Variants in SLC25A46 observed in about 807,000 individuals in gnomAD.
The protein encoded by SLC25A46 is solute carrier family 25 member 46, also known as mitochondrial outer membrane protein SLC25A46.
A neutral mutation model predicts 44.6 loss-of-function variants in SLC25A46; 39 were observed. The observed-to-expected ratio is 0.87, with a 90% CI of 0.68 to 1.14. The LOEUF is 1.14. Ranked by LOEUF, SLC25A46 falls within the 50% of genes most tolerant of loss-of-function variation. SLC25A46 has a pLI of 0.00. For synonymous variants in SLC25A46, 202 were observed against 185.8 expected, an observed-to-expected ratio of 1.09 and a Z score of -0.71; for missense variants, 547 against 522.7, an observed-to-expected ratio of 1.05 and a Z score of -0.45.
In SLC25A46 at chr5:110,755,366, A is replaced by G; in HGVS notation, c.564-99A>G. On this transcript the variant is annotated intron_variant, in intron 5 of 7. Coordinates refer to ENST00000355943, the MANE Select transcript of SLC25A46 (RefSeq NM_138773.4). ...GAATATATTTCTCCTACAGATTGAA[A>G]AAAATTAGAAGTTGATTACTGTTTT... 5 of 719,946 alleles carry G rather than the reference A, an allele frequency of 6.9e-6. No homozygotes were observed. In the South Asian group the frequency reaches 8.8e-5, roughly 13 times the overall value. 44.6% of individuals were successfully genotyped at this position (719,946 alleles called of 1,614,324 possible).
chr5:110,740,685 C>T (rs993848729), intron 1 of SLC25A46, among the ~76,000 whole-genome samples: 3 of 152,184 alleles, frequency 2.0e-5, no homozygotes, highest in Non-Finnish European at 4.4e-5. Flanking sequence ...GGCGTGGTGG[C>T]TCACGCCTGT....
intron 7 of SLC25A46, among the ~76,000 whole-genome samples, chr5:110,758,741 C>T (rs1174491065): frequency 6.6e-6 from 1 of 151,778 alleles, no homozygotes; most frequent in Admixed American, 6.6e-5. Context: ...GAGATCACGC[C>T]ACTGTACTCC....
intron 5 of SLC25A46, among the ~76,000 whole-genome samples, chr5:110,752,642 A>G (rs925621754): frequency 1.2e-4 from 19 of 152,204 alleles, no homozygotes; most frequent in African/African-American, 4.1e-4. Context: ...CTCAAATTCA[A>G]TAGATTTCCT....
chr5:110,742,983 C>G (rs1054968657), intron 2 of SLC25A46, among the ~76,000 whole-genome samples: 1 of 151,846 alleles, frequency 6.6e-6, no homozygotes, highest in African/African-American at 2.4e-5. Context: ...TAATTAAACC[C>G]GAGGGTGTTA....
intron 1 of SLC25A46, among the ~76,000 whole-genome samples, chr5:110,741,138 G>A (rs751625617): frequency 6.6e-6 from 1 of 152,178 alleles, no homozygotes; most frequent in Admixed American, 6.5e-5. Flanking sequence ...GAAGAGGAGA[G>A]AAAGAATTGT....
rs777324317 is a variant in SLC25A46, at chr5:110,739,296, G to A, written c.177G>A (p.Glu59=). Reference sequence around the variant, plus strand: ...GCAGCCGCAACCTGCACTGGGGCGAGAAGAGCCCGCCCTACGGCGTGCCCA... The same window carrying A: ...GCAGCCGCAACCTGCACTGGGGCGAAAAGAGCCCGCCCTACGGCGTGCCCA... ...IPGSRNLHWG[E]KSPPYGVPTT... Residue 59 remains glutamate, a synonymous_variant, in exon 1 of 8, where the codon GAG becomes GAA. Coordinates refer to ENST00000355943, the MANE Select transcript of SLC25A46 (RefSeq NM_138773.4). 21 of 1,573,390 alleles carry A rather than the reference G, an allele frequency of 1.3e-5. No individual in the cohort carries two copies. Among genetic ancestry groups the A allele is most frequent in the Non-Finnish European group, 1.7e-5 (20 of 1,159,708 alleles).
intron 5 of SLC25A46, 58 bp from the exon 6 acceptor site, chr5:110,755,407 T>A: frequency 9.0e-7 from 1 of 1,107,140 alleles, no homozygotes. Context: ...TTGGGCTAAT[T>A]CCAGATGTTT....
At position 110,739,075 on chromosome 5, in the gene SLC25A46, G is replaced by A. The variant is rs1298056025; in HGVS notation, c.-45G>A. 1 of 1,533,066 alleles carries A rather than the reference G, an allele frequency of 6.5e-7. No homozygotes were observed. The highest frequency in any genetic ancestry group is 8.7e-7 in the Non-Finnish European group (1 of 1,144,040). 95.0% of individuals were successfully genotyped at this position (1,533,066 alleles called of 1,614,324 possible). On this transcript the variant is annotated 5_prime_UTR_variant, in exon 1 of 8. Transcript: ENST00000355943. ...GTGCTTAGGTCGTGGTGGCCCCGGT[G>A]GTGGTGGGCTCCGGGCGGGCTCGCG...
rs184761713 is a variant in SLC25A46 at position 110,755,817 on chromosome 5, A to T, written c.620+296A>T. Among the ~76,000 whole-genome samples the T allele has an allele frequency of 5.7e-4, 87 of 152,306 alleles. 1 individual carries two copies. In the East Asian group the frequency reaches 0.012, roughly 21 times the overall value. On this transcript the variant is annotated intron_variant, in intron 6 of 7. Transcript: ENST00000355943. Reference sequence around the variant, plus strand: ...ATTTATTTAACCCAGATTTTCAAAGAAAGTATAACTATTTTATTGTTAATC... The same window carrying T: ...ATTTATTTAACCCAGATTTTCAAAGTAAGTATAACTATTTTATTGTTAATC...
chr5:110,739,343 GC>G lies in SLC25A46; in HGVS notation c.228del (p.Thr77ArgfsTer21). Reference sequence around the variant, plus strand: ...CCCACCACCTCCACCCCGTACGAAGGCCCCACGGAGGAACCCTTTTCCAGTG... The same window carrying G: ...CCCACCACCTCCACCCCGTACGAAGGCCCACGGAGGAACCCTTTTCCAGTG... ...GVPTTSTPYE[G>X]PTEEPFSSGG... On this transcript the variant is annotated frameshift_variant, in exon 1 of 8. Transcript: ENST00000355943. LOFTEE classifies it high-confidence loss of function. 1 of 1,563,400 alleles carries G rather than the reference GC, an allele frequency of 6.4e-7. No individual in the cohort carries two copies. The highest frequency in any genetic ancestry group is 1.9e-5 in the Admixed American group (1 of 52,684).
rs372083789 is a variant in SLC25A46 at position 110,755,470 on chromosome 5, T to C, written c.569T>C (p.Val190Ala). The change falls in exon 6 of 8, where the codon GTT (valine) becomes GCT (alanine). Residue 190 changes from valine (V) to alanine (A), a missense_variant. Transcript: ENST00000355943. ...AGTTTATTTTTATGTTTTAGGGAGGTTTTACATAAATGGAGTCCTAAACAA... is the reference window on the plus strand; with the variant it reads ...AGTTTATTTTTATGTTTTAGGGAGGCTTTACATAAATGGAGTCCTAAACAA... ...ISEFTPLPRE[V>A]LHKWSPKQIG... The C allele has an allele frequency of 1.9e-6, 3 of 1,560,206 alleles. No homozygotes were observed. Among genetic ancestry groups the C allele is most frequent in the Non-Finnish European group, 1.7e-6 (2 of 1,147,294 alleles).
In SLC25A46 at chr5:110,761,480, G is replaced by T. The variant is rs1390567933; in HGVS notation, c.955G>T (p.Ala319Ser). 1 of 1,613,754 alleles carries T rather than the reference G, an allele frequency of 6.2e-7. No individual in the cohort carries two copies. Among genetic ancestry groups the T allele is most frequent in the Non-Finnish European group, 8.5e-7 (1 of 1,179,798 alleles). ...MLDAYFPELI[A>S]NFAASLCSDV... ...GGATGCTTATTTTCCAGAACTTATT[G>T]CTAACTTTGCTGCCAGTCTTTGTTC... Residue 319 changes from alanine to serine, a missense_variant, in exon 8 of 8, where the codon GCT becomes TCT. Physicochemically the swap from Ala to Ser is moderately conservative, Grantham distance 99 (BLOSUM62 1). Transcript: ENST00000355943. This position sits in a 1 kb window ranked among gnomAD's most constrained non-coding sequence, Gnocchi z 5.3.
At chr5:110,738,369 GA>G, upstream of SLC25A46, 1 of 615,938 alleles carries the variant, frequency 1.6e-6, no homozygotes, top group Non-Finnish European at 2.1e-6. Flanking sequence ...AAATACGACA[GA>G]AAACTATAGT....
upstream of SLC25A46, chr5:110,738,802 C>G: frequency 2.1e-6 from 1 of 482,330 alleles, no homozygotes. Flanking sequence ...TATTCCTACA[C>G]CAGTTCTCTT....
rs1800237589 is a variant in SLC25A46 at position 110,761,140 on chromosome 5, G to T, written c.679-64G>T. 1.6e-6 allele frequency: 2 copies of T among 1,260,186 alleles called. No individual in the cohort carries two copies. The highest frequency in any genetic ancestry group is 4.3e-5 in the Admixed American group (2 of 46,542). 78.1% of individuals were successfully genotyped at this position (1,260,186 alleles called of 1,614,324 possible). On this transcript the variant is annotated intron_variant, in intron 7 of 7. Coordinates refer to ENST00000355943, the MANE Select transcript of SLC25A46 (RefSeq NM_138773.4). The surrounding 1 kb of genome is among the most constrained non-coding windows in gnomAD (Gnocchi z 5.3). Reference sequence around the variant, plus strand: ...AGGATTTAAAAGGAACCTAAAAAGAGTCCTTTTTCTGTGGCAAAATAAGCA... The same window carrying T: ...AGGATTTAAAAGGAACCTAAAAAGATTCCTTTTTCTGTGGCAAAATAAGCA...
intron 3 of SLC25A46, among the ~76,000 whole-genome samples, chr5:110,744,811 C>G (rs1799776843): frequency 6.6e-6 from 1 of 152,134 alleles, no homozygotes; most frequent in South Asian, 2.1e-4. Flanking sequence ...AAAAAAGTGG[C>G]TAGTTTAGCT....
intron 5 of SLC25A46, among the ~76,000 whole-genome samples, chr5:110,750,995 C>T (rs567501782): frequency 1.8e-4 from 27 of 152,284 alleles, no homozygotes; most frequent in Admixed American, 5.2e-4. Flanking sequence ...AGTAGACAGA[C>T]ATGTCAACTG....
intron 1 of SLC25A46, chr5:110,741,559 G>C (rs1042309986): frequency 6.6e-6 from 1 of 152,608 alleles, no homozygotes; most frequent in East Asian, 1.9e-4. Context: ...GTCGCAGGTG[G>C]AATATCAGCT....
Position 110,762,102 on chromosome 5 carries a change from GA to G in SLC25A46, c.*322del, listed in dbSNP as rs1800269717. 1 of 230,670 alleles carries G rather than the reference GA, an allele frequency of 4.3e-6. No homozygotes were observed. Among genetic ancestry groups the G allele is most frequent in the Non-Finnish European group, 8.5e-6 (1 of 117,578 alleles). The allele number at this position is 230,670 out of a possible 1,614,324, so 14.3% of individuals were successfully genotyped here. ...ATCTAAAACAAAACTTTATAGAGTT[GA>G]ATCTATTCCATCTGACTTCAATATT... On this transcript the variant is annotated 3_prime_UTR_variant, in exon 8 of 8. Coordinates refer to ENST00000355943, the MANE Select transcript of SLC25A46 (RefSeq NM_138773.4).
Sources: allele counts gnomAD v4.1 joint callset (sites outside exome capture counted in the v4.1 genomes callset), GRCh38; gene constraint gnomAD v4.1.1; non-coding constraint Gnocchi (gnomAD v3.1); transcripts MANE v1.5; gene names NCBI Gene and HGNC (gene_info 2026-07-23, HGNC 2026-07-21).